The following ZNF385B variants were observed in gnomAD, a reference collection of about 807,000 sequenced individuals.
ZNF385B encodes the protein zinc finger protein 533.
In ZNF385B, 23 loss-of-function variants were observed where a neutral mutation model predicts 39.2. The ratio of observed to expected loss-of-function variants is 0.59; its 90% CI spans 0.42 to 0.83. The LOEUF (loss-of-function observed/expected upper bound fraction) is 0.83, where lower values mean the gene tolerates loss of function less well. Among genes scored for constraint, ZNF385B ranks in the 40% least tolerant of loss-of-function variants. The pLI, the probability that ZNF385B is intolerant of heterozygous loss-of-function variation, is 0.00. For missense variants in ZNF385B, 552 were observed against 598.9 expected, an observed-to-expected ratio of 0.92 and a Z score of 0.82; for synonymous variants, 205 against 222.6, an observed-to-expected ratio of 0.92 and a Z score of 0.70.
At chr2:179,595,156 TAATGAAGATCTGA>T (rs1258801934) in intron 3 of ZNF385B, among the ~76,000 whole-genome samples, 1 of 152,204 alleles carries the variant, frequency 6.6e-6, no homozygotes, top group African/African-American at 2.4e-5. Context: ...TTAAAAGAAT[TAATGAAGATCTGA>T]AACTAGGAAG....
At chr2:179,826,665 T>G (rs1237732158) in intron 1 of ZNF385B, among the ~76,000 whole-genome samples, 1 of 152,118 alleles carries the variant, frequency 6.6e-6, no homozygotes, top group Non-Finnish European at 1.5e-5. Flanking sequence ...AGGTTTTGTT[T>G]CATTCTTTTT....
At chr2:179,476,247 C>T (rs2053439226) in intron 6 of ZNF385B, among the ~76,000 whole-genome samples, 1 of 152,032 alleles carries the variant, frequency 6.6e-6, no homozygotes, top group South Asian at 2.1e-4. Flanking sequence ...TATGGTTATA[C>T]ATTTACAGAA....
intron 1 of ZNF385B, among the ~76,000 whole-genome samples, chr2:179,816,170 C>T (rs1707053680): frequency 6.6e-6 from 1 of 152,216 alleles, no homozygotes; most frequent in Non-Finnish European, 1.5e-5. Flanking sequence ...AAACTTCATT[C>T]ATCAAGCTGT....
chr2:179,674,011 C>T (rs1452016231), intron 3 of ZNF385B, among the ~76,000 whole-genome samples: 1 of 152,080 alleles, frequency 6.6e-6, no homozygotes, highest in Non-Finnish European at 1.5e-5. Flanking sequence ...AGCACAGTTA[C>T]TATATATGTT....
intron 7 of ZNF385B, 147 bp downstream of exon 7, chr2:179,446,378 T>A: frequency 8.9e-7 from 1 of 1,128,182 alleles, no homozygotes; most frequent in Non-Finnish European, 1.2e-6. Context: ...CATATGATCA[T>A]ACTTTTCTAA....
At chr2:179,811,378 T>C (rs772095768) in intron 1 of ZNF385B, among the ~76,000 whole-genome samples, 33 of 152,000 alleles carry the variant, frequency 2.2e-4, no homozygotes, top group Non-Finnish European at 4.3e-4. Context: ...AACAAAGTCA[T>C]AGATATTGCA....
At chr2:179,758,463 T>C (rs558706636) in intron 3 of ZNF385B, among the ~76,000 whole-genome samples, 1 of 152,246 alleles carries the variant, frequency 6.6e-6, no homozygotes, top group African/African-American at 2.4e-5. Flanking sequence ...AGAGCACTAA[T>C]CCCATTCATA....
At chr2:179,544,723 C>A in intron 4 of ZNF385B, 104 bp downstream of exon 4, 1 of 1,442,860 alleles carries the variant, frequency 6.9e-7, no homozygotes, top group South Asian at 1.2e-5. Flanking sequence ...AATATATGGT[C>A]TAAAATTACA....
intron 3 of ZNF385B, among the ~76,000 whole-genome samples, chr2:179,754,675 C>A (rs955972866): frequency 6.6e-6 from 1 of 152,046 alleles, no homozygotes; most frequent in Non-Finnish European, 1.5e-5. Flanking sequence ...TGTATGTGTC[C>A]AGGAATTTAT....
intron 1 of ZNF385B, among the ~76,000 whole-genome samples, chr2:179,829,488 T>C (rs537982830): frequency 5.9e-5 from 9 of 152,282 alleles, no homozygotes; most frequent in African/African-American, 2.2e-4. Context: ...GGGGAAAATC[T>C]AGGTAACCTT....
At chr2:179,573,979 C>A (rs967627683) in intron 3 of ZNF385B, among the ~76,000 whole-genome samples, 1 of 152,132 alleles carries the variant, frequency 6.6e-6, no homozygotes, top group African/African-American at 2.4e-5. Flanking sequence ...ATTATAATAT[C>A]TATTTCATTT....
intron 3 of ZNF385B, among the ~76,000 whole-genome samples, chr2:179,616,623 G>A (rs1393527638): frequency 2.6e-5 from 4 of 152,142 alleles, no homozygotes; most frequent in Admixed American, 6.5e-5. Flanking sequence ...GCAGTGGTGC[G>A]ATCATAGCTC....
At chr2:179,840,374 G>T (rs181011571) in intron 1 of ZNF385B, among the ~76,000 whole-genome samples, 37 of 152,310 alleles carry the variant, frequency 2.4e-4, no homozygotes, top group African/African-American at 8.9e-4. Context: ...AAGGAGCTTG[G>T]ATTGTCTGTG....
intron 3 of ZNF385B, among the ~76,000 whole-genome samples, chr2:179,637,497 G>GGA (rs1691867906): frequency 6.7e-6 from 1 of 148,792 alleles, no homozygotes; most frequent in African/African-American, 2.5e-5. Context: ...CAGTTACCAA[G>GGA]AAAAAAAAAA....
intron 3 of ZNF385B, among the ~76,000 whole-genome samples, chr2:179,619,376 C>G (rs1690020608): frequency 6.6e-6 from 1 of 152,070 alleles, no homozygotes; most frequent in Admixed American, 6.6e-5. Context: ...TTTTTATTAC[C>G]TTCTTTACTG....
At chr2:179,503,246 A>C (rs538554613) in intron 5 of ZNF385B, among the ~76,000 whole-genome samples, 1 of 152,162 alleles carries the variant, frequency 6.6e-6, no homozygotes, top group South Asian at 2.1e-4. Context: ...TGATTGAAAA[A>C]GTGGTTCTGC....
intron 1 of ZNF385B, among the ~76,000 whole-genome samples, chr2:179,819,875 CT>C (rs772829251): frequency 3.3e-5 from 5 of 152,122 alleles, no homozygotes; most frequent in African/African-American, 9.7e-5. Context: ...TTGTATTATA[CT>C]TTTTTCATAT....
intron 6 of ZNF385B, among the ~76,000 whole-genome samples, chr2:179,476,767 A>G (rs1243112486): frequency 6.6e-6 from 1 of 152,172 alleles, no homozygotes; most frequent in African/African-American, 2.4e-5. Context: ...TCATAATGAT[A>G]TATGTGTATT....
chr2:179,798,654 G>A lies in ZNF385B; in HGVS notation c.-154-27982C>T, dbSNP rs1030317627. ...TACTAACCCCAATAACACACTCACTGTAAATAATTTAAATTCTTTTTACCT... is the reference window on the plus strand; with the variant it reads ...TACTAACCCCAATAACACACTCACTATAAATAATTTAAATTCTTTTTACCT... On this transcript the variant is annotated intron_variant, in intron 1 of 9. Coordinates refer to ENST00000410066, the MANE Select transcript of ZNF385B (RefSeq NM_152520.6). Among the ~76,000 whole-genome samples the A allele has an allele frequency of 2.0e-5, 3 of 151,998 alleles. No individual in the cohort carries two copies. The South Asian group carries it at 6.2e-4, about 31-fold the overall frequency.
Sources: allele counts gnomAD v4.1 joint callset (sites outside exome capture counted in the v4.1 genomes callset), GRCh38; gene constraint gnomAD v4.1.1; transcripts MANE v1.5; gene names NCBI Gene and HGNC (gene_info 2026-07-23, HGNC 2026-07-21).